MTUS2: variants seen among roughly 807,000 people sequenced by gnomAD.
The protein encoded by MTUS2 is microtubule associated scaffold protein 2.
In MTUS2, 40 loss-of-function variants were observed where a neutral mutation model predicts 114.1. That is an observed-to-expected ratio of 0.35 (90% CI 0.27 to 0.46). The LOEUF is 0.46. MTUS2 is among the 20% of genes least tolerant of loss of function. The pLI, the probability that MTUS2 is intolerant of heterozygous loss-of-function variation, is 1.00. For synonymous variants in MTUS2, 688 were observed against 672.0 expected (o/e 1.02, Z -0.37); for missense variants, 1,679 against 1,705.4 (o/e 0.98, Z 0.27).
chr13:29,172,524 T>C (rs1235358230), intron 5 of MTUS2, among the ~76,000 whole-genome samples: 2 of 152,244 alleles, frequency 1.3e-5, no homozygotes, highest in African/African-American at 4.8e-5. Flanking sequence ...GAGAATTAAA[T>C]GTTGGCAATA....
intron 5 of MTUS2, among the ~76,000 whole-genome samples, chr13:29,195,688 C>G (rs977127873): frequency 1.3e-5 from 2 of 152,122 alleles, no homozygotes; most frequent in Admixed American, 1.3e-4. Context: ...CCCACCCAGC[C>G]TGGGCCAGTC....
intron 12 of MTUS2, among the ~76,000 whole-genome samples, chr13:29,495,470 C>T (rs1882490792): frequency 6.6e-6 from 1 of 151,610 alleles, no homozygotes; most frequent in Non-Finnish European, 1.5e-5. Context: ...AGAAAGCAAG[C>T]AGTCAAGCCC....
At chr13:29,477,133 G>A (rs1184295095) in intron 9 of MTUS2, among the ~76,000 whole-genome samples, 1 of 152,202 alleles carries the variant, frequency 6.6e-6, no homozygotes. Context: ...AGCAGCAGGA[G>A]CCTGTGTTTT....
intron 6 of MTUS2, among the ~76,000 whole-genome samples, chr13:29,316,729 C>G (rs1040957295): frequency 6.6e-6 from 1 of 152,180 alleles, no homozygotes; most frequent in Non-Finnish European, 1.5e-5. Context: ...AGATATGTTA[C>G]AAACTCCGTA....
At chr13:29,019,385 A>G (rs1375843554) in intron 2 of MTUS2, among the ~76,000 whole-genome samples, 1 of 152,154 alleles carries the variant, frequency 6.6e-6, no homozygotes, top group East Asian at 1.9e-4. Context: ...TTATCAGTGG[A>G]TTATCAATGA....
intron 2 of MTUS2, among the ~76,000 whole-genome samples, chr13:28,972,626 T>G (rs571129756): frequency 6.6e-6 from 1 of 152,308 alleles, no homozygotes; most frequent in South Asian, 2.1e-4. Flanking sequence ...ACCTAAATAC[T>G]AATGTCGCAG....
At chr13:28,908,222 T>C (rs1880170983) in intron 2 of MTUS2, among the ~76,000 whole-genome samples, 1 of 151,594 alleles carries the variant, frequency 6.6e-6, no homozygotes, top group African/African-American at 2.4e-5. Context: ...ACATGTGCCA[T>C]GTTGTTGTGC....
In MTUS2 at chr13:28,972,099, A is replaced by G. The variant is rs574566226; in HGVS notation, c.-242-52358A>G. The stretch of plus-strand genomic sequence containing the variant: ...GTGTTAAAACTCTGCACGCAGAACA[A>G]CTATTGAGGAGAAAGAAATATTTTG... On this transcript the variant is annotated intron_variant, in intron 2 of 15. Coordinates refer to ENST00000612955, the MANE Select transcript of MTUS2 (RefSeq NM_001033602.4). Among the ~76,000 whole-genome samples, 12 of 152,346 alleles carry G rather than the reference A, an allele frequency of 7.9e-5. 1 individual carries two copies. In the South Asian group the frequency reaches 1.4e-3, roughly 18 times the overall value.
chr13:29,175,538 A>C (rs868282965), intron 5 of MTUS2, among the ~76,000 whole-genome samples: 1 of 150,920 alleles, frequency 6.6e-6, no homozygotes, highest in South Asian at 2.1e-4. Context: ...GATATCTGTC[A>C]TTACTGCTTT....
At chr13:28,928,448 A>T (rs1881441675) in intron 2 of MTUS2, among the ~76,000 whole-genome samples, 1 of 152,352 alleles carries the variant, frequency 6.6e-6, no homozygotes, top group African/African-American at 2.4e-5. Flanking sequence ...AAAAAATCTA[A>T]ATAGACATTT....
chr13:28,901,060 T>C (rs974744741), intron 2 of MTUS2, among the ~76,000 whole-genome samples: 1 of 152,226 alleles, frequency 6.6e-6, no homozygotes, highest in Non-Finnish European at 1.5e-5. Flanking sequence ...TGCTATTTCC[T>C]ATTTTTGCCA....
chr13:28,950,433 A>C (rs555933429), intron 2 of MTUS2, among the ~76,000 whole-genome samples: 1 of 152,238 alleles, frequency 6.6e-6, no homozygotes, highest in Non-Finnish European at 1.5e-5. Context: ...TTTTTGATAC[A>C]TAGAAGTCTT....
intron 8 of MTUS2, among the ~76,000 whole-genome samples, chr13:29,398,780 A>G (rs1027966905): frequency 6.6e-6 from 1 of 152,204 alleles, no homozygotes; most frequent in African/African-American, 2.4e-5. Context: ...CAACCCACAC[A>G]TAAACAGCCC....
At chr13:28,904,702 T>C (rs1485110703) in intron 2 of MTUS2, among the ~76,000 whole-genome samples, 2 of 152,216 alleles carry the variant, frequency 1.3e-5, no homozygotes, top group Non-Finnish European at 2.9e-5. Context: ...CCTCCAGCTT[T>C]GTTCTTTTGG....
At chr13:28,919,748 A>G (rs543155045) in intron 2 of MTUS2, among the ~76,000 whole-genome samples, 2 of 152,200 alleles carry the variant, frequency 1.3e-5, no homozygotes, top group East Asian at 3.9e-4. Flanking sequence ...TCTTGTAGGC[A>G]TGCTTCACTG....
intron 2 of MTUS2, among the ~76,000 whole-genome samples, chr13:28,961,443 A>C (rs1446981855): frequency 6.6e-6 from 1 of 151,384 alleles, no homozygotes; most frequent in Non-Finnish European, 1.5e-5. Flanking sequence ...ATTTCTCATC[A>C]GAAAGTGTGG....
At chr13:28,908,843 A>G (rs1211834541) in intron 2 of MTUS2, among the ~76,000 whole-genome samples, 1 of 151,548 alleles carries the variant, frequency 6.6e-6, no homozygotes, top group Non-Finnish European at 1.5e-5. Flanking sequence ...TAAGTCTTTA[A>G]TCCATCTTGA....
At chr13:29,247,110 G>A (rs139929433) in intron 5 of MTUS2, among the ~76,000 whole-genome samples, 141 of 152,202 alleles carry the variant, frequency 9.3e-4, no homozygotes, top group African/African-American at 2.7e-3. Flanking sequence ...AAATAAAGCC[G>A]AATACCTACA....
chr13:28,856,617 T>A (rs774227082), intron 2 of MTUS2, among the ~76,000 whole-genome samples: 2 of 152,216 alleles, frequency 1.3e-5, no homozygotes, highest in Non-Finnish European at 2.9e-5. Context: ...TGTGTGCATC[T>A]GCAAATTTGC....
Sources: allele counts gnomAD v4.1 joint callset (sites outside exome capture counted in the v4.1 genomes callset), GRCh38; gene constraint gnomAD v4.1.1; transcripts MANE v1.5; gene names NCBI Gene and HGNC (gene_info 2026-07-23, HGNC 2026-07-21).